FGD5: variants seen among roughly 807,000 people sequenced by gnomAD.
FGD5 encodes FYVE, RhoGEF and PH domain-containing protein 5.
A neutral mutation model predicts 133.4 loss-of-function variants in FGD5; 28 were observed. The observed-to-expected ratio is 0.21, with a 90% confidence interval of 0.16 to 0.29. The LOEUF is 0.29. Among genes scored for constraint, FGD5 ranks in the 10% least tolerant of loss-of-function variants. The pLI is 1.00. For synonymous variants in FGD5, 810 were observed against 776.5 expected (o/e 1.04, Z -0.72); for missense variants, 1,858 against 1,895.2 (o/e 0.98, Z 0.36).
intron 9 of FGD5, among the ~76,000 whole-genome samples, chr3:14,901,817 A>G (rs1050938371): frequency 5.3e-5 from 8 of 152,188 alleles, no homozygotes; most frequent in Non-Finnish European, 4.4e-5. Flanking sequence ...GACACCTGCT[A>G]TGTGTCAGAC....
chr3:14,882,016 AG>A (rs2037834377), intron 4 of FGD5, among the ~76,000 whole-genome samples: 1 of 152,196 alleles, frequency 6.6e-6, no homozygotes, highest in Non-Finnish European at 1.5e-5. Flanking sequence ...GGACCCCAGG[AG>A]GGCGGATAGA....
chr3:14,926,295 C>G (rs1225634010), intron 18 of FGD5, 97 bp downstream of exon 18: 2 of 1,526,118 alleles, frequency 1.3e-6, no homozygotes, highest in African/African-American at 2.7e-5. Flanking sequence ...TGTGTGAGTC[C>G]TGGCTGCTGA....
upstream of FGD5, among the ~76,000 whole-genome samples, chr3:14,815,472 T>A (rs765511842): frequency 3.3e-5 from 5 of 152,190 alleles, no homozygotes; most frequent in Admixed American, 6.5e-5. Flanking sequence ...ACAAGGTCCC[T>A]GAGTCTGGGG....
At chr3:14,841,044 T>C (rs1689581) in intron 1 of FGD5, among the ~76,000 whole-genome samples, 100,519 of 151,970 alleles carry the variant, frequency 0.66, 33,549 homozygotes, top group African/African-American at 0.74. Flanking sequence ...TGTCCTTTCA[T>C]GATGTATTTA....
chr3:14,855,075 CT>C (rs985359339), intron 1 of FGD5, among the ~76,000 whole-genome samples: 1 of 151,974 alleles, frequency 6.6e-6, no homozygotes. Context: ...ATGAGGTTAG[CT>C]TTTTTTTAGT....
chr3:14,918,139 C>T (rs2038597099), intron 12 of FGD5, among the ~76,000 whole-genome samples: 1 of 152,186 alleles, frequency 6.6e-6, no homozygotes, highest in African/African-American at 2.4e-5. Flanking sequence ...GTAACTTGGT[C>T]CTGAAGATGG....
At chr3:14,896,502 T>C (rs1382168294) in intron 4 of FGD5, among the ~76,000 whole-genome samples, 2 of 152,008 alleles carry the variant, frequency 1.3e-5, no homozygotes, top group Admixed American at 6.6e-5. Flanking sequence ...CGGAGTTTTA[T>C]TCTTCTTCCC....
intron 1 of FGD5, 42 bp downstream of exon 1, chr3:14,821,638 C>A (rs1334192147): frequency 6.6e-7 from 1 of 1,508,394 alleles, no homozygotes; most frequent in South Asian, 1.3e-5. Flanking sequence ...GCAGCTGTAA[C>A]TGTCCAGGAG....
chr3:14,905,116 A>G (rs1016211185), intron 9 of FGD5, among the ~76,000 whole-genome samples: 1 of 152,054 alleles, frequency 6.6e-6, no homozygotes, highest in African/African-American at 2.4e-5. Flanking sequence ...CATTAATTTA[A>G]TTGTTCAATT....
chr3:14,868,427 C>G (rs563956518), intron 2 of FGD5, among the ~76,000 whole-genome samples: 2 of 152,246 alleles, frequency 1.3e-5, no homozygotes, highest in African/African-American at 2.4e-5. Context: ...GCCGGCTGAC[C>G]GGTGTCCCTG....
intron 2 of FGD5, among the ~76,000 whole-genome samples, chr3:14,873,676 C>T (rs2037655260): frequency 6.6e-6 from 1 of 152,000 alleles, no homozygotes; most frequent in African/African-American, 2.4e-5. Context: ...ATTTAGAGAC[C>T]ACTGTTTCTT....
intron 18 of FGD5, among the ~76,000 whole-genome samples, chr3:14,927,592 T>C (rs1361833739): frequency 6.6e-6 from 1 of 151,992 alleles, no homozygotes; most frequent in African/African-American, 2.4e-5. Context: ...TCAAATACCA[T>C]CAAAGAAAAA....
At chr3:14,879,953 A>T (rs2037793661) in intron 2 of FGD5, among the ~76,000 whole-genome samples, 1 of 152,224 alleles carries the variant, frequency 6.6e-6, no homozygotes, top group East Asian at 1.9e-4. Context: ...GAAGTGGGAT[A>T]TAAAGGTCAT....
chr3:14,931,159 T>C (rs565367797), intron 18 of FGD5: 2 of 152,322 alleles, frequency 1.3e-5, no homozygotes, highest in South Asian at 4.1e-4. Flanking sequence ...CTATTAAGTA[T>C]GATGTTAGCT....
chr3:14,898,851 G>A (rs866530041), intron 7 of FGD5, 25 bp downstream of exon 7: 6 of 1,555,710 alleles, frequency 3.9e-6, no homozygotes, highest in African/African-American at 1.4e-5. Context: ...AGATCAATGG[G>A]GACTGAGGCG....
At chr3:14,870,466 C>T (rs1309542709) in intron 2 of FGD5, among the ~76,000 whole-genome samples, 1 of 152,214 alleles carries the variant, frequency 6.6e-6, no homozygotes, top group East Asian at 1.9e-4. Context: ...CTTACACAAG[C>T]CCTGAGCCTC....
chr3:14,872,553 C>T (rs1052386316), intron 2 of FGD5, among the ~76,000 whole-genome samples: 2 of 152,132 alleles, frequency 1.3e-5, no homozygotes, highest in Non-Finnish European at 2.9e-5. Flanking sequence ...TTTACATATT[C>T]AGCAAATTAT....
chr3:14,931,515 C>T (rs1248282323), intron 18 of FGD5: 1 of 152,172 alleles, frequency 6.6e-6, no homozygotes, highest in Admixed American at 6.5e-5. Flanking sequence ...ACAAACCGTA[C>T]TCCCCTTCTT....
At chr3:14,927,243 T>TG (rs1352727549) in intron 18 of FGD5, among the ~76,000 whole-genome samples, 3 of 152,144 alleles carry the variant, frequency 2.0e-5, no homozygotes, top group East Asian at 3.9e-4. Context: ...TGTCCACAGG[T>TG]GGGGTCTTCC....
Sources: gnomAD v4.1 joint callset for allele counts (sites outside exome capture counted in the v4.1 genomes callset) on GRCh38, gnomAD v4.1.1 for gene constraint, MANE v1.5 for transcripts, NCBI Gene and HGNC (gene_info 2026-07-23, HGNC 2026-07-21) for gene names.